Variants in RGS7BP observed in about 807,000 individuals in gnomAD.
The protein encoded by RGS7BP is regulator of G protein signaling 7 binding protein, also known as regulator of G protein signaling 7-binding protein.
RGS7BP carries 9 observed loss-of-function variants against 31.3 expected under a neutral mutation model. That is an observed-to-expected ratio of 0.29 (90% CI 0.17 to 0.50). The LOEUF (loss-of-function observed/expected upper bound fraction) is 0.50. Among genes scored for constraint, RGS7BP ranks in the 20% least tolerant of loss-of-function variants. RGS7BP has a pLI of 0.98. For synonymous variants in RGS7BP, 115 were observed against 120.1 expected (o/e 0.96, Z 0.28); for missense variants, 274 against 322.0 (o/e 0.85, Z 1.14).
At chr5:64,564,142 A>C (rs573342970) in intron 2 of RGS7BP, among the ~76,000 whole-genome samples, 1 of 152,110 alleles carries the variant, frequency 6.6e-6, no homozygotes, top group South Asian at 2.1e-4. Flanking sequence ...CCTAGAAAAA[A>C]CTTCAGTCAT....
chr5:64,590,154 C>T (rs1010166994), intron 3 of RGS7BP, among the ~76,000 whole-genome samples: 7 of 151,844 alleles, frequency 4.6e-5, no homozygotes, highest in Non-Finnish European at 1.0e-4. Context: ...AGAACAGTGT[C>T]ATACCAGTTA....
At position 64,506,952 on chromosome 5, in the gene RGS7BP, A is replaced by G. The variant is rs1748702573; in HGVS notation, c.165+163A>G. 6.6e-6 allele frequency among the ~76,000 whole-genome samples: 1 copy of G among 152,072 alleles called. No homozygotes were observed. Among genetic ancestry groups the G allele is most frequent in the Non-Finnish European group, 1.5e-5 (1 of 68,028 alleles). ...CTATTTTTAAATCTGCAGTCCCCCA[A>G]ATTCAGGGTGACACCCTGGTCGTAA... is the stretch of plus-strand genomic sequence containing the variant. On this transcript the variant is annotated intron_variant, in intron 1 of 5. Transcript: ENST00000334025. This position sits in a 1 kb window ranked among gnomAD's most constrained non-coding sequence, Gnocchi z 4.6.
intron 5 of RGS7BP, among the ~76,000 whole-genome samples, chr5:64,603,327 C>A (rs1282649202): frequency 1.3e-5 from 2 of 152,120 alleles, no homozygotes; most frequent in Non-Finnish European, 2.9e-5. Context: ...AACAGAGGAG[C>A]AGTAGTAAAG....
intron 2 of RGS7BP, among the ~76,000 whole-genome samples, chr5:64,547,436 C>T (rs1741684638): frequency 6.6e-6 from 1 of 152,164 alleles, no homozygotes; most frequent in East Asian, 1.9e-4. Flanking sequence ...TTTTGAAATT[C>T]AGGTTTTCTG....
chr5:64,570,597 C>G (rs2111886615), intron 2 of RGS7BP, among the ~76,000 whole-genome samples: 1 of 152,230 alleles, frequency 6.6e-6, no homozygotes, highest in South Asian at 2.1e-4. Flanking sequence ...GCAACCTCAG[C>G]AAAAGTGCAG....
intron 2 of RGS7BP, among the ~76,000 whole-genome samples, chr5:64,520,320 T>G (rs1749075643): frequency 6.6e-6 from 1 of 152,124 alleles, no homozygotes; most frequent in South Asian, 2.1e-4. Context: ...TCCTTTCCCC[T>G]GGACACACTT....
rs764038354 is a variant in RGS7BP at position 64,575,764 on chromosome 5, T to C, written c.333-10T>C. The C allele has an allele frequency of 6.2e-7, 1 of 1,600,730 alleles. No individual in the cohort carries two copies. The highest frequency in any genetic ancestry group is 1.1e-5 in the South Asian group (1 of 88,232). ...AATGTTCACAGCTTTTCTCTTTCAT[T>C]CTGTTGCAGCCCGGAAGATGGTGAG... is the stretch of plus-strand genomic sequence containing the variant. On this transcript the variant is annotated splice_polypyrimidine_tract_variant and intron_variant, in intron 2 of 5. Coordinates refer to ENST00000334025, the MANE Select transcript of RGS7BP (RefSeq NM_001029875.3).
chr5:64,579,423 A>T (rs1386873444), intron 3 of RGS7BP, among the ~76,000 whole-genome samples: 1 of 151,738 alleles, frequency 6.6e-6, no homozygotes, highest in Non-Finnish European at 1.5e-5. Context: ...ATGTGCCTGT[A>T]ATCCCAGCTA....
chr5:64,509,468 A>C (rs1748775642), intron 2 of RGS7BP, among the ~76,000 whole-genome samples: 1 of 152,198 alleles, frequency 6.6e-6, no homozygotes, highest in Admixed American at 6.5e-5. Context: ...TTTGCGACAC[A>C]CACAAAATTC....
At chr5:64,594,201 C>T (rs1411724389) in intron 3 of RGS7BP, among the ~76,000 whole-genome samples, 1 of 152,034 alleles carries the variant, frequency 6.6e-6, no homozygotes, top group Non-Finnish European at 1.5e-5. Flanking sequence ...GGTTGGAGAG[C>T]CAAGGAATTG....
chr5:64,565,784 T>C (rs1295899306), intron 2 of RGS7BP, among the ~76,000 whole-genome samples: 1 of 152,194 alleles, frequency 6.6e-6, no homozygotes, highest in East Asian at 1.9e-4. Flanking sequence ...TGGTGGAAGA[T>C]GATATTTTCC....
At chr5:64,519,946 T>C (rs1561320615) in intron 2 of RGS7BP, among the ~76,000 whole-genome samples, 1 of 152,182 alleles carries the variant, frequency 6.6e-6, no homozygotes, top group Non-Finnish European at 1.5e-5. Context: ...TCAGGACTGA[T>C]ATCTTCATGA....
chr5:64,535,255 C>T (rs907871180), intron 2 of RGS7BP, among the ~76,000 whole-genome samples: 3 of 152,170 alleles, frequency 2.0e-5, no homozygotes, highest in Non-Finnish European at 4.4e-5. Context: ...TACTTATTCC[C>T]TATCCTGATC....
At chr5:64,599,443 T>A (rs1283187131) in intron 5 of RGS7BP, among the ~76,000 whole-genome samples, 5 of 152,150 alleles carry the variant, frequency 3.3e-5, no homozygotes, top group Non-Finnish European at 5.9e-5. Context: ...AGGCTCCTCT[T>A]GGCTCCAGGA....
At chr5:64,547,742 G>T (rs932405556) in intron 2 of RGS7BP, among the ~76,000 whole-genome samples, 1 of 152,238 alleles carries the variant, frequency 6.6e-6, no homozygotes, top group Admixed American at 6.5e-5. Context: ...CTTCCATGAT[G>T]ATGGAAGTTT....
Position 64,609,575 on chromosome 5 carries a change from A to G in RGS7BP, c.*323A>G, listed in dbSNP as rs1295800736. The G allele has an allele frequency of 1.3e-5, 3 of 237,624 alleles. No homozygotes were observed. The highest frequency in any genetic ancestry group is 2.2e-5 in the African/African-American group (1 of 45,190). The allele number at this position is 237,624 out of a possible 1,614,324, so 14.7% of individuals were successfully genotyped here. A position where few individuals can be genotyped will look rare whatever the true frequency, so the allele number is the denominator to read the frequency against. Reference sequence around the variant, plus strand: ...AATTATTTAAAGGTTTTTTAAATGTATTATACAGAGGAAAAATATTTCACA... The same window carrying G: ...AATTATTTAAAGGTTTTTTAAATGTGTTATACAGAGGAAAAATATTTCACA... On this transcript the variant is annotated 3_prime_UTR_variant, in exon 6 of 6. Coordinates refer to ENST00000334025, the MANE Select transcript of RGS7BP (RefSeq NM_001029875.3).
intron 5 of RGS7BP, among the ~76,000 whole-genome samples, chr5:64,607,444 G>A (rs149016506): frequency 7.2e-5 from 11 of 152,128 alleles, no homozygotes; most frequent in Middle Eastern, 3.4e-3. Context: ...GATGTATATC[G>A]GTTTGGTCTG....
At chr5:64,597,037 G>T (rs1315309925) in intron 4 of RGS7BP, among the ~76,000 whole-genome samples, 1 of 152,130 alleles carries the variant, frequency 6.6e-6, no homozygotes, top group Non-Finnish European at 1.5e-5. Flanking sequence ...CATGGTGCCT[G>T]CCAATGCTTG....
At chr5:64,577,056 A>G (rs1403348295) in intron 3 of RGS7BP, among the ~76,000 whole-genome samples, 1 of 143,406 alleles carries the variant, frequency 7.0e-6, no homozygotes. Context: ...AAGATATTTC[A>G]TATGAGGAAG....
Sources: allele counts gnomAD v4.1 joint callset (sites outside exome capture counted in the v4.1 genomes callset), GRCh38; gene constraint gnomAD v4.1.1; non-coding constraint Gnocchi (gnomAD v3.1); transcripts MANE v1.5; gene names NCBI Gene and HGNC (gene_info 2026-07-23, HGNC 2026-07-21).